The following SMARCD3 variants were observed in gnomAD, a reference collection of about 807,000 sequenced individuals.
SMARCD3 encodes the protein SWI/SNF-related matrix-associated actin-dependent regulator of chromatin subfamily D member 3.
SMARCD3 carries 14 observed loss-of-function variants against 58.0 expected under a neutral mutation model. The ratio of observed to expected loss-of-function variants is 0.24; its 90% CI spans 0.16 to 0.38. The LOEUF (loss-of-function observed/expected upper bound fraction) is 0.38, where lower values mean the gene tolerates loss of function less well. Ranked by LOEUF, SMARCD3 falls within the 10% of genes least tolerant of loss-of-function variation. The probability of loss-of-function intolerance (pLI) is 1.00; values close to 1 mark genes in which losing one functional copy is unlikely to be tolerated. For missense variants in SMARCD3, 408 were observed against 636.9 expected (o/e 0.64, Z 3.87); for synonymous variants, 253 against 253.8 (o/e 1.00, Z 0.03).
At position 151,245,411 on chromosome 7, in the gene SMARCD3, C is replaced by A; in HGVS notation, c.290+49G>T. ...TCGCTTACCTGGTCCCTGCGGGTCCCCCAGGGCCCGCCCCTGCACGCCCCC... is the reference window on the plus strand; with the variant it reads ...TCGCTTACCTGGTCCCTGCGGGTCCACCAGGGCCCGCCCCTGCACGCCCCC... On this transcript the variant is annotated intron_variant, in intron 2 of 12. Transcript: ENST00000262188. This position sits in a 1 kb window ranked among gnomAD's most constrained non-coding sequence, Gnocchi z 6.2. 1.3e-6 allele frequency: 1 copy of A among 775,910 alleles called. No homozygotes were observed. The highest frequency in any genetic ancestry group is 4.4e-5 in the Admixed American group (1 of 22,878). 48.1% of individuals were successfully genotyped at this position (775,910 alleles called of 1,614,324 possible). A position where few individuals can be genotyped will look rare whatever the true frequency, so the allele number is the denominator to read the frequency against.
chr7:151,239,188 C>CA lies in SMARCD3; in HGVS notation c.1399-33dup. On this transcript the variant is annotated intron_variant, in intron 12 of 12. Coordinates refer to ENST00000262188, the MANE Select transcript of SMARCD3 (RefSeq NM_001003801.2). The surrounding 1 kb of genome is among the most constrained non-coding windows in gnomAD (Gnocchi z 7.0). ...AGGAAGTGAGAACAGGAGCAGGTGT[C>CA]AGTGTTCTGGTGAGTGATCAGGACA... 6.2e-7 allele frequency: 1 copy of CA among 1,610,740 alleles called. No individual in the cohort carries two copies. Among genetic ancestry groups the CA allele is most frequent in the Non-Finnish European group, 8.5e-7 (1 of 1,177,108 alleles).
intron 8 of SMARCD3, 90 bp from the exon 9 acceptor site, chr7:151,240,612 A>G: frequency 1.1e-6 from 1 of 936,998 alleles, no homozygotes; most frequent in Non-Finnish European, 1.6e-6. Flanking sequence ...AAAGGCCACA[A>G]GAAGCTGAGA....
rs1584874218 is a variant in SMARCD3, at chr7:151,246,933, G to A, written c.79-1262C>T. On this transcript the variant is annotated intron_variant, in intron 1 of 12. Transcript: ENST00000262188. The surrounding 1 kb of genome is among the most constrained non-coding windows in gnomAD (Gnocchi z 4.4). Reference sequence around the variant, plus strand: ...GGACACACCACCCACCTCACCCCCAGGCATGAGGAGGGGCCCCCTTGGGCT... The same window carrying A: ...GGACACACCACCCACCTCACCCCCAAGCATGAGGAGGGGCCCCCTTGGGCT... 6.6e-6 allele frequency among the ~76,000 whole-genome samples: 1 copy of A among 152,104 alleles called. No individual in the cohort carries two copies. Among genetic ancestry groups the A allele is most frequent in the East Asian group, 1.9e-4 (1 of 5,186 alleles).
At position 151,259,615 on chromosome 7, in the gene SMARCD3, T is replaced by TTTTTTG. The variant is rs1803848565; in HGVS notation, c.40-13945_40-13944insCAAAAA. Among the ~76,000 whole-genome samples the TTTTTTG allele has an allele frequency of 6.0e-5, 8 of 134,286 alleles. 1 individual carries two copies. The highest frequency in any genetic ancestry group is 2.3e-4 in the African/African-American group (8 of 34,358). 88.1% of individuals were successfully genotyped at this position (134,286 alleles called of 152,430 possible). ...ACAACCTGAGAGTTTTTTTTTTTTTTTTTTTTTTTTTGAGACGGACTTTCA... is the reference window on the plus strand; with the variant it reads ...ACAACCTGAGAGTTTTTTTTTTTTTTTTTTTGTTTTTTTTTTTGAGACGGACTTTCA... On this transcript the variant is annotated intron_variant, in intron 2 of 13. Coordinates refer to the SMARCD3 transcript ENST00000356800.
In SMARCD3 at chr7:151,264,064, T is replaced by TC. The variant is rs1279904242; in HGVS notation, c.39+11049_39+11050insG. ...TCAGGTTCCTGAAGACAGGATTTTT[T>TC]TTTTTTTTTTTTGAGACATAGTCTC... On this transcript the variant is annotated intron_variant, in intron 2 of 13. Coordinates refer to the SMARCD3 transcript ENST00000356800. Among the ~76,000 whole-genome samples, 490 of 151,064 alleles carry TC rather than the reference T, an allele frequency of 3.2e-3. 2 individuals carry two copies. Among genetic ancestry groups the TC allele is most frequent in the African/African-American group, 0.012 (478 of 41,018 alleles).
chr7:151,263,954 C>T (rs1016158863), intron 2 of SMARCD3, among the ~76,000 whole-genome samples: 138 of 152,306 alleles, frequency 9.1e-4, no homozygotes, highest in African/African-American at 2.9e-3. Context: ...ATCTGGTCCT[C>T]AAACTCATTG....
chr7:151,244,302 G>A (rs372899330), intron 2 of SMARCD3, among the ~76,000 whole-genome samples: 1 of 152,176 alleles, frequency 6.6e-6, no homozygotes. Context: ...GCAGCCATAG[G>A]CGCCCAGAAT....
chr7:151,262,534 G>A (rs1803951635), intron 2 of SMARCD3, among the ~76,000 whole-genome samples: 1 of 152,252 alleles, frequency 6.6e-6, no homozygotes, highest in South Asian at 2.1e-4. Context: ...CGTTTAGTGA[G>A]CACCTCTTTT....
intron 2 of SMARCD3, among the ~76,000 whole-genome samples, chr7:151,256,922 C>T (rs1340352274): frequency 6.6e-6 from 1 of 152,332 alleles, no homozygotes; most frequent in East Asian, 1.9e-4. Flanking sequence ...CTCCTCCACA[C>T]CAAGGACACT....
At chr7:151,257,985 G>A (rs926804103) in intron 2 of SMARCD3, among the ~76,000 whole-genome samples, 1 of 152,032 alleles carries the variant, frequency 6.6e-6, no homozygotes, top group African/African-American at 2.4e-5. Flanking sequence ...AAACATGGTC[G>A]GTCCAAAATG....
At chr7:151,251,518 G>T (rs1296950024), upstream of SMARCD3, among the ~76,000 whole-genome samples, 1 of 152,312 alleles carries the variant, frequency 6.6e-6, no homozygotes, top group East Asian at 1.9e-4. Flanking sequence ...CGGCGCCAGT[G>T]TGGGGGCCCG....
In SMARCD3 at chr7:151,264,205, C is replaced by T. The variant is rs1361478966; in HGVS notation, c.39+10909G>A. On this transcript the variant is annotated intron_variant, in intron 2 of 13. Transcript: ENST00000356800. ...TCCCAAGTAGCTGGGACTACAGGTG[C>T]CTGCCACCACACCTGGCTAATTTTT... 3.3e-5 allele frequency among the ~76,000 whole-genome samples: 5 copies of T among 151,934 alleles called. No homozygotes were observed. In the South Asian group the frequency reaches 1.0e-3, roughly 32 times the overall value.
chr7:151,267,611 G>A (rs1483988713), intron 2 of SMARCD3, among the ~76,000 whole-genome samples: 1 of 152,176 alleles, frequency 6.6e-6, no homozygotes, highest in Non-Finnish European at 1.5e-5. Context: ...TCTGTTCTAG[G>A]GGGAGGGTCC....
In SMARCD3 at chr7:151,274,178, G is replaced by A. The variant is rs144139578; in HGVS notation, c.39+936C>T. ...CAAGGCCGCAGGCCCTGAGGACAGG[G>A]ACTGGGCTCCACATACCTTGAGGCC... On this transcript the variant is annotated intron_variant, in intron 2 of 13. Transcript: ENST00000356800. Among the ~76,000 whole-genome samples, 88 of 152,354 alleles carry A rather than the reference G, an allele frequency of 5.8e-4. No homozygotes were observed. The Middle Eastern group carries it at 0.01, about 18-fold the overall frequency.
At chr7:151,271,112 G>A (rs1041600465) in intron 2 of SMARCD3, among the ~76,000 whole-genome samples, 1 of 152,136 alleles carries the variant, frequency 6.6e-6, no homozygotes, top group African/African-American at 2.4e-5. Context: ...CAGGAGAGGA[G>A]ATACTGGAAT....
At chr7:151,271,523 G>A (rs575263070) in intron 2 of SMARCD3, among the ~76,000 whole-genome samples, 1 of 152,220 alleles carries the variant, frequency 6.6e-6, no homozygotes, top group Non-Finnish European at 1.5e-5. Flanking sequence ...TGGGGCCTGT[G>A]TGCTTAAGGA....
chr7:151,259,232 G>C (rs575357117), intron 2 of SMARCD3, among the ~76,000 whole-genome samples: 63 of 151,434 alleles, frequency 4.2e-4, no homozygotes, highest in Non-Finnish European at 5.3e-4. Context: ...GGCACCTGTA[G>C]TCCCAGCTAC....
chr7:151,267,733 C>G (rs753337203), intron 2 of SMARCD3, among the ~76,000 whole-genome samples: 6 of 152,224 alleles, frequency 3.9e-5, no homozygotes, highest in Non-Finnish European at 7.3e-5. Context: ...TTCCAGCACT[C>G]TGGGAAGCTG....
chr7:151,250,371 G>C (rs571782545), upstream of SMARCD3, among the ~76,000 whole-genome samples: 20 of 152,042 alleles, frequency 1.3e-4, no homozygotes, highest in Admixed American at 1.0e-3. Flanking sequence ...CCCTGACACG[G>C]TGGGGATGGG....
Sources: gnomAD v4.1 joint callset for allele counts (sites outside exome capture counted in the v4.1 genomes callset) on GRCh38, gnomAD v4.1.1 for gene constraint, Gnocchi (gnomAD v3.1) non-coding constraint, MANE v1.5 for transcripts, NCBI Gene and HGNC (gene_info 2026-07-23, HGNC 2026-07-21) for gene names.